The following MAF variants were observed in gnomAD, a reference collection of about 807,000 sequenced individuals.
The protein encoded by MAF is MAF bZIP transcription factor.
A neutral mutation model predicts 22.0 loss-of-function variants in MAF; 10 were observed. The ratio of observed to expected loss-of-function variants is 0.45; its 90% CI spans 0.28 to 0.77. MAF has a LOEUF of 0.77. MAF is among the 30% of genes least tolerant of loss of function. The pLI is 0.12. For missense variants in MAF, 544 were observed against 548.4 expected, an observed-to-expected ratio of 0.99 and a Z score of 0.08; for synonymous variants, 337 against 255.8, an observed-to-expected ratio of 1.32 and a Z score of -3.03.
chr16:79,597,224 T>A (rs774109003), intron 1 of MAF: 1 of 1,051,982 alleles, frequency 9.5e-7, no homozygotes, highest in East Asian at 5.4e-5. Context: ...CAGACCTAAC[T>A]CTTTCAAATT....
the MAF span, among the ~76,000 whole-genome samples, chr16:79,366,385 G>C: frequency 6.6e-6 from 1 of 152,158 alleles, no homozygotes; most frequent in East Asian, 1.9e-4. Context: ...CAAATTCCAA[G>C]TTGTCTTCTT....
At chr16:79,597,631 A>T (rs972752727) in intron 1 of MAF, 2 of 1,022,108 alleles carry the variant, frequency 2.0e-6, no homozygotes, top group South Asian at 4.6e-5. Flanking sequence ...GCAAAATTTC[A>T]TGGGAAGAAG....
chr16:79,480,103 A>G, the MAF span, among the ~76,000 whole-genome samples: 1 of 151,760 alleles, frequency 6.6e-6, no homozygotes. Flanking sequence ...GTACCCAGAT[A>G]CTCCTTGACT....
At chr16:79,224,639 G>A in the MAF span, among the ~76,000 whole-genome samples, 4 of 152,296 alleles carry the variant, frequency 2.6e-5, no homozygotes, top group African/African-American at 9.6e-5. Context: ...ACCTCCTTAA[G>A]CAGATAAGCA....
At chr16:79,565,641 C>A in the MAF span, among the ~76,000 whole-genome samples, 1 of 152,160 alleles carries the variant, frequency 6.6e-6, no homozygotes, top group South Asian at 2.1e-4. Context: ...ACTTCTCCTT[C>A]CCGCCTTCAT....
At chr16:79,563,847 G>A in the MAF span, among the ~76,000 whole-genome samples, 2 of 152,042 alleles carry the variant, frequency 1.3e-5, no homozygotes, top group African/African-American at 4.8e-5. Context: ...TTCTGGTTGA[G>A]AAGTAAAAAG....
the MAF span, among the ~76,000 whole-genome samples, chr16:79,327,938 T>G: frequency 7.5e-4 from 114 of 152,348 alleles, no homozygotes; most frequent in African/African-American, 2.6e-3. Flanking sequence ...CAACCAGACT[T>G]ACGTGCAAAC....
the MAF span, among the ~76,000 whole-genome samples, chr16:79,371,733 T>C: frequency 3.9e-5 from 6 of 152,232 alleles, no homozygotes; most frequent in East Asian, 5.8e-4. Context: ...CAGCAGCATG[T>C]TACCCAGGAA....
At chr16:79,557,989 C>T in the MAF span, among the ~76,000 whole-genome samples, 7 of 151,846 alleles carry the variant, frequency 4.6e-5, no homozygotes, top group Non-Finnish European at 1.0e-4. Context: ...CTGAGGCAGC[C>T]ACCAAGAAAA....
At chr16:79,497,668 T>C in the MAF span, among the ~76,000 whole-genome samples, 1 of 152,224 alleles carries the variant, frequency 6.6e-6, no homozygotes, top group African/African-American at 2.4e-5. Flanking sequence ...TGTCATGCTT[T>C]GAACCCCAGC....
chr16:79,329,630 TC>T, the MAF span, among the ~76,000 whole-genome samples: 2 of 152,080 alleles, frequency 1.3e-5, no homozygotes, highest in Non-Finnish European at 2.9e-5. Flanking sequence ...CACGGTGTCT[TC>T]CCCCATCTGA....
At chr16:79,549,093 G>C in the MAF span, among the ~76,000 whole-genome samples, 1 of 152,158 alleles carries the variant, frequency 6.6e-6, no homozygotes, top group Non-Finnish European at 1.5e-5. Context: ...TTGAAGGATA[G>C]TTGCAAGGAT....
At chr16:79,470,948 G>C in the MAF span, among the ~76,000 whole-genome samples, 9 of 152,258 alleles carry the variant, frequency 5.9e-5, no homozygotes, top group Non-Finnish European at 1.2e-4. Context: ...AATGAATAAA[G>C]TATCTTATAT....
the MAF span, among the ~76,000 whole-genome samples, chr16:79,330,321 C>A: frequency 6.6e-6 from 1 of 152,174 alleles, no homozygotes; most frequent in Non-Finnish European, 1.5e-5. Context: ...CTCCAAACCC[C>A]CTCAGTTGTA....
the MAF span, among the ~76,000 whole-genome samples, chr16:79,226,358 T>C: frequency 6.6e-6 from 1 of 151,802 alleles, no homozygotes; most frequent in Non-Finnish European, 1.5e-5. Context: ...GAGGGTAACA[T>C]CACATACCAG....
the MAF span, among the ~76,000 whole-genome samples, chr16:79,355,947 C>T: frequency 6.6e-6 from 1 of 152,052 alleles, no homozygotes; most frequent in Non-Finnish European, 1.5e-5. Flanking sequence ...CCTCGTAATC[C>T]TTCTACAACT....
the MAF span, among the ~76,000 whole-genome samples, chr16:79,416,810 G>A: frequency 6.6e-6 from 1 of 152,180 alleles, no homozygotes; most frequent in Admixed American, 6.5e-5. Flanking sequence ...GGAAGCCGCT[G>A]TGTTGTTTTT....
At chr16:79,204,506 C>T in the MAF span, 1 of 152,142 alleles carries the variant, frequency 6.6e-6, no homozygotes, top group Non-Finnish European at 1.5e-5. Context: ...TGTTACAACT[C>T]GTCCCATTTA....
At chr16:79,569,436 A>C in the MAF span, among the ~76,000 whole-genome samples, 1 of 152,180 alleles carries the variant, frequency 6.6e-6, no homozygotes, top group African/African-American at 2.4e-5. Flanking sequence ...TAACTCCTCT[A>C]TCAGATTGTT....
Sources: allele counts gnomAD v4.1 joint callset (sites outside exome capture counted in the v4.1 genomes callset), GRCh38; gene constraint gnomAD v4.1.1; transcripts MANE v1.5; gene names NCBI Gene and HGNC (gene_info 2026-07-23, HGNC 2026-07-21).